Variants in SYDE1 observed in about 807,000 individuals in gnomAD.
SYDE1 encodes rho GTPase-activating protein SYDE1.
In SYDE1, 34 loss-of-function variants were observed where a neutral mutation model predicts 63.3. The observed-to-expected ratio is 0.54, with a 90% CI of 0.41 to 0.71. SYDE1 has a LOEUF of 0.71. SYDE1 is among the 30% of genes least tolerant of loss of function. The pLI is 0.00. For synonymous variants in SYDE1, 467 were observed against 473.4 expected (o/e 0.99, Z 0.18); for missense variants, 925 against 1,042.5 (o/e 0.89, Z 1.55).
chr19:15,113,859 G>T lies in SYDE1; in HGVS notation c.2104G>T (p.Asp702Tyr). ...EPRVTGDFED[D>Y]FDAPFNPHLN... The stretch of plus-strand genomic sequence containing the variant: ...GAGGGTCACCGGTGACTTCGAAGAC[G>T]ACTTCGATGCGCCCTTCAACCCGCA... Residue 702 changes from aspartate (D) to tyrosine (Y), a missense_variant, in exon 8 of 8, where the codon GAC (aspartate) becomes TAC (tyrosine). Transcript: ENST00000342784. 1 of 1,614,186 alleles carries T rather than the reference G, an allele frequency of 6.2e-7. No individual in the cohort carries two copies. Among genetic ancestry groups the T allele is most frequent in the Non-Finnish European group, 8.5e-7 (1 of 1,180,042 alleles).
chr19:15,109,362 C>G lies in SYDE1; in HGVS notation c.395C>G (p.Pro132Arg). Residue 132 changes from proline (P) to arginine (R), a missense_variant, in exon 2 of 8, where the codon CCT (proline) becomes CGT (arginine). By Grantham distance (103) the Pro-to-Arg change is moderately radical (BLOSUM62 -2). Coordinates refer to ENST00000342784, the MANE Select transcript of SYDE1 (RefSeq NM_033025.6). The surrounding 1 kb of genome is among the most constrained non-coding windows in gnomAD (Gnocchi z 5.0). ...PPAPEPPGPQ[P>R]GSAESEGLAP... ...GCACCTGAGCCCCCGGGGCCACAGCCTGGCTCAGCTGAGTCAGAGGGCCTG... is the reference window on the plus strand; with the variant it reads ...GCACCTGAGCCCCCGGGGCCACAGCGTGGCTCAGCTGAGTCAGAGGGCCTG... 6.3e-7 allele frequency: 1 copy of G among 1,577,350 alleles called. No homozygotes were observed. The highest frequency in any genetic ancestry group is 8.6e-7 in the Non-Finnish European group (1 of 1,160,876).
chr19:15,109,393 C>T lies in SYDE1; in HGVS notation c.426C>T (p.Pro142=). ...CAGCTGAGTCAGAGGGCCTGGCCCC[C>T]CAAGGTAAGAACAAGCTTCCCATCC... The part of the protein sequence containing the change: ...PGSAESEGLA[P]QGAAPASPPT... Residue 142 remains proline, a synonymous_variant, in exon 2 of 8, where the codon CCC becomes CCT. Transcript: ENST00000342784. This position sits in a 1 kb window ranked among gnomAD's most constrained non-coding sequence, Gnocchi z 5.0. The T allele has an allele frequency of 2.6e-6, 4 of 1,540,742 alleles. No individual in the cohort carries two copies. Among genetic ancestry groups the T allele is most frequent in the Non-Finnish European group, 3.5e-6 (4 of 1,145,866 alleles).
At position 15,109,639 on chromosome 19, in the gene SYDE1, G is replaced by A. The variant is rs2046328724; in HGVS notation, c.431-65G>A. ...CCTCACACTCCTTCCCTTCAGGGGA[G>A]CACCAGCCTCACCCCCCTCCCCTAA... On this transcript the variant is annotated intron_variant, in intron 2 of 7. Transcript: ENST00000342784. The surrounding 1 kb of genome is among the most constrained non-coding windows in gnomAD (Gnocchi z 5.0). 2 of 1,032,132 alleles carry A rather than the reference G, an allele frequency of 1.9e-6. No homozygotes were observed. Among genetic ancestry groups the A allele is most frequent in the Non-Finnish European group, 1.4e-6 (1 of 729,836 alleles). The allele number at this position is 1,032,132 out of a possible 1,614,324, so 63.9% of individuals were successfully genotyped here.
chr19:15,111,511 C>A lies in SYDE1; in HGVS notation c.1417+72C>A. The A allele has an allele frequency of 6.2e-7, 1 of 1,601,470 alleles. No homozygotes were observed. The highest frequency in any genetic ancestry group is 8.5e-7 in the Non-Finnish European group (1 of 1,171,628). On this transcript the variant is annotated intron_variant, in intron 5 of 7. Coordinates refer to ENST00000342784, the MANE Select transcript of SYDE1 (RefSeq NM_033025.6). This position sits in a 1 kb window ranked among gnomAD's most constrained non-coding sequence, Gnocchi z 5.5. ...CTCACTTCAAGGCCTTGGGGCTCCT[C>A]TGGGACCTCAGTCCTCCTATCTGAC...
chr19:15,109,469 C>T lies in SYDE1; in HGVS notation c.430+72C>T. 1 of 1,446,212 alleles carries T rather than the reference C, an allele frequency of 6.9e-7. No individual in the cohort carries two copies. Among genetic ancestry groups the T allele is most frequent in the South Asian group, 1.5e-5 (1 of 68,590 alleles). The allele number at this position is 1,446,212 out of a possible 1,614,324, so 89.6% of individuals were successfully genotyped here. A position where few individuals can be genotyped will look rare whatever the true frequency, so the allele number is the denominator to read the frequency against. ...CACATCCCTTCCCTTCAGGGTAGCA[C>T]CAGCCTCACACTCCCTCCTCCCAGA... is the stretch of plus-strand genomic sequence containing the variant. On this transcript the variant is annotated intron_variant, in intron 2 of 7. Coordinates refer to ENST00000342784, the MANE Select transcript of SYDE1 (RefSeq NM_033025.6). This position sits in a 1 kb window ranked among gnomAD's most constrained non-coding sequence, Gnocchi z 5.0.
Position 15,114,073 on chromosome 19 carries a change from G to A in SYDE1, c.*110G>A. 8.6e-7 allele frequency: 1 copy of A among 1,163,120 alleles called. No homozygotes were observed. The highest frequency in any genetic ancestry group is 1.2e-6 in the Non-Finnish European group (1 of 822,220). 72.0% of individuals were successfully genotyped at this position (1,163,120 alleles called of 1,614,324 possible). A position where few individuals can be genotyped will look rare whatever the true frequency, so the allele number is the denominator to read the frequency against. Reference sequence around the variant, plus strand: ...ACCTGTTGCTCAGGCCGAGCTCCTGGTTGCCAGCGAGTTACCACGGGACCA... The same window carrying A: ...ACCTGTTGCTCAGGCCGAGCTCCTGATTGCCAGCGAGTTACCACGGGACCA... On this transcript the variant is annotated 3_prime_UTR_variant, in exon 8 of 8. Transcript: ENST00000342784.
rs1368057988 is a variant in SYDE1 at position 15,108,602 on chromosome 19, T to C, written c.89-454T>C. Reference sequence around the variant, plus strand: ...CACGTAGTGCCTGCTGTGGGCTGTATACTTTTCCAAAAGGCTCCTGGAAGC... The same window carrying C: ...CACGTAGTGCCTGCTGTGGGCTGTACACTTTTCCAAAAGGCTCCTGGAAGC... On this transcript the variant is annotated intron_variant, in intron 1 of 7. Coordinates refer to ENST00000342784, the MANE Select transcript of SYDE1 (RefSeq NM_033025.6). The surrounding 1 kb of genome is among the most constrained non-coding windows in gnomAD (Gnocchi z 4.3). Among the ~76,000 whole-genome samples the C allele has an allele frequency of 6.6e-6, 1 of 152,170 alleles. No individual in the cohort carries two copies. The highest frequency in any genetic ancestry group is 2.4e-5 in the African/African-American group (1 of 41,432).
chr19:15,107,608 G>A, intron 1 of SYDE1, 87 bp downstream of exon 1: 1 of 883,494 alleles, frequency 1.1e-6, no homozygotes, highest in South Asian at 1.5e-5. Flanking sequence ...CAGACGGTGG[G>A]GGGGATCAGG....
rs1452844551 is a variant in SYDE1, at chr19:15,114,607, C to T, written c.*644C>T. 1 of 151,580 alleles carries T rather than the reference C, an allele frequency of 6.6e-6. No individual in the cohort carries two copies. The highest frequency in any genetic ancestry group is 2.0e-4 in the East Asian group (1 of 5,100). 9.4% of individuals were successfully genotyped at this position (151,580 alleles called of 1,614,324 possible). On this transcript the variant is annotated 3_prime_UTR_variant, in exon 8 of 8. Coordinates refer to ENST00000342784, the MANE Select transcript of SYDE1 (RefSeq NM_033025.6). ...AACAGAGTCTGGCCTTTCCAATCCC[C>T]ATCTCCTTGCCCCCCCCTTGCCCCC...
intron 6 of SYDE1, 41 bp from the exon 7 acceptor site, chr19:15,112,305 C>A: frequency 7.0e-7 from 1 of 1,432,184 alleles, no homozygotes; most frequent in Non-Finnish European, 9.6e-7. Context: ...GCCACAGGGG[C>A]CTGACTTTGT....
chr19:15,111,527 C>A lies in SYDE1; in HGVS notation c.1417+88C>A. ...GGGGCTCCTCTGGGACCTCAGTCCT[C>A]CTATCTGACCTTGCTTTCACCCACC... is the stretch of plus-strand genomic sequence containing the variant. On this transcript the variant is annotated intron_variant, in intron 5 of 7. Transcript: ENST00000342784. This position sits in a 1 kb window ranked among gnomAD's most constrained non-coding sequence, Gnocchi z 5.5. 1 of 1,596,646 alleles carries A rather than the reference C, an allele frequency of 6.3e-7. No homozygotes were observed. Among genetic ancestry groups the A allele is most frequent in the South Asian group, 1.1e-5 (1 of 89,002 alleles).
At chr19:15,113,052 G>A (rs1308836290) in intron 7 of SYDE1, among the ~76,000 whole-genome samples, 2 of 152,060 alleles carry the variant, frequency 1.3e-5, no homozygotes, top group South Asian at 2.1e-4. Flanking sequence ...TTATAGGCAC[G>A]CACCACCAGT....
chr19:15,109,718 A>G lies in SYDE1; in HGVS notation c.445A>G (p.Ser149Gly). 2 of 1,513,618 alleles carry G rather than the reference A, an allele frequency of 1.3e-6. No homozygotes were observed. Among genetic ancestry groups the G allele is most frequent in the Non-Finnish European group, 8.9e-7 (1 of 1,129,632 alleles). 93.8% of individuals were successfully genotyped at this position (1,513,618 alleles called of 1,614,324 possible). Residue 149 changes from serine to glycine, a missense_variant, in exon 3 of 8, where the codon AGC becomes GGC. Physicochemically the swap from Ser to Gly is moderately conservative, Grantham distance 56 (BLOSUM62 0). This residue lies in a region of SYDE1 where 599 missense variants were observed against 653.7 expected (regional missense o/e 0.92). Transcript: ENST00000342784. The surrounding 1 kb of genome is among the most constrained non-coding windows in gnomAD (Gnocchi z 5.0). ...TCTCCACACAGGTGCAGCCCCCGCCAGCCCCCCAACCAAAGCCTCCCGCAC... is the reference window on the plus strand; with the variant it reads ...TCTCCACACAGGTGCAGCCCCCGCCGGCCCCCCAACCAAAGCCTCCCGCAC... Reference protein sequence around the residue: ...GLAPQGAAPASPPTKASRTKS... With the variant: ...GLAPQGAAPAGPPTKASRTKS...
Position 15,109,486 on chromosome 19 carries a change from C to A in SYDE1, c.430+89C>A, listed in dbSNP as rs746932771. On this transcript the variant is annotated intron_variant, in intron 2 of 7. Coordinates refer to ENST00000342784, the MANE Select transcript of SYDE1 (RefSeq NM_033025.6). The surrounding 1 kb of genome is among the most constrained non-coding windows in gnomAD (Gnocchi z 5.0). ...GGGTAGCACCAGCCTCACACTCCCT[C>A]CTCCCAGAGGAGCACCAACCTCACA... is the stretch of plus-strand genomic sequence containing the variant. 1.0e-5 allele frequency: 14 copies of A among 1,403,754 alleles called. No homozygotes were observed. Among genetic ancestry groups the A allele is most frequent in the Non-Finnish European group, 1.3e-5 (14 of 1,057,392 alleles). The allele number at this position is 1,403,754 out of a possible 1,614,324, so 87.0% of individuals were successfully genotyped here.
rs1239848332 is a variant in SYDE1 at position 15,109,795 on chromosome 19, G to A, written c.522G>A (p.Pro174=). The change falls in exon 3 of 8, where the codon CCG becomes CCA. Residue 174 remains proline, a synonymous_variant. Coordinates refer to ENST00000342784, the MANE Select transcript of SYDE1 (RefSeq NM_033025.6). This position sits in a 1 kb window ranked among gnomAD's most constrained non-coding sequence, Gnocchi z 5.0. The part of the protein sequence containing the change: ...RRLSIKMKKL[P]ELRRRLSLRG... ...TCTCCATAAAGATGAAGAAGCTGCC[G>A]GAACTGCGGCGCCGCCTGAGCCTGC... 3.3e-6 allele frequency: 5 copies of A among 1,537,130 alleles called. No individual in the cohort carries two copies. Among genetic ancestry groups the A allele is most frequent in the Non-Finnish European group, 4.4e-6 (5 of 1,145,664 alleles).
In SYDE1 at chr19:15,108,770, G is replaced by A. The variant is rs922602083; in HGVS notation, c.89-286G>A. On this transcript the variant is annotated intron_variant, in intron 1 of 7. Transcript: ENST00000342784. This position sits in a 1 kb window ranked among gnomAD's most constrained non-coding sequence, Gnocchi z 4.3. The stretch of plus-strand genomic sequence containing the variant: ...GGGTAGAGGAAGTGGAGACTGGAAC[G>A]CAGTACCTACGGGCCCCAGGAAGCC... 2.2e-5 allele frequency: 8 copies of A among 358,176 alleles called. 1 individual carries two copies. The highest frequency in any genetic ancestry group is 4.4e-5 in the East Asian group (1 of 22,776). The allele number at this position is 358,176 out of a possible 1,614,324, so 22.2% of individuals were successfully genotyped here.
At position 15,110,598 on chromosome 19, in the gene SYDE1, C is replaced by A; in HGVS notation, c.1153C>A (p.Gln385Lys). The change falls in exon 4 of 8, where the codon CAG (glutamine) becomes AAG (lysine). Residue 385 changes from glutamine to lysine, a missense_variant. This residue lies in a region of SYDE1 where 599 missense variants were observed against 653.7 expected (regional missense o/e 0.92). Coordinates refer to ENST00000342784, the MANE Select transcript of SYDE1 (RefSeq NM_033025.6). The surrounding 1 kb of genome is among the most constrained non-coding windows in gnomAD (Gnocchi z 6.9). Reference protein sequence around the residue: ...LYAKLTLSEQQEAPATAEPRV... With the variant: ...LYAKLTLSEQKEAPATAEPRV... ...TGCCAAGCTGACCCTGTCGGAGCAG[C>A]AGGAAGCCCCTGCCACAGCTGAGCC... 1 of 1,593,764 alleles carries A rather than the reference C, an allele frequency of 6.3e-7. No homozygotes were observed. The highest frequency in any genetic ancestry group is 8.5e-7 in the Non-Finnish European group (1 of 1,172,730).
At position 15,110,098 on chromosome 19, in the gene SYDE1, CG is replaced by C. The variant is rs1568328379; in HGVS notation, c.831del (p.Leu278CysfsTer63). The part of the protein sequence containing the change: ...GRLSLHLYGL[G>X]GLRPAPGATP... ...GCCTCAGCCTGCACCTGTACGGTCT[CG>C]GGGGGCTGCGGCCAGCGCCGGGGGC... On this transcript the variant is annotated frameshift_variant, in exon 3 of 8. Coordinates refer to ENST00000342784, the MANE Select transcript of SYDE1 (RefSeq NM_033025.6). LOFTEE classifies it high-confidence loss of function. This position sits in a 1 kb window ranked among gnomAD's most constrained non-coding sequence, Gnocchi z 6.9. 3 of 1,427,498 alleles carry C rather than the reference CG, an allele frequency of 2.1e-6. No homozygotes were observed. Among genetic ancestry groups the C allele is most frequent in the Admixed American group, 6.1e-5 (2 of 32,980 alleles). 88.4% of individuals were successfully genotyped at this position (1,427,498 alleles called of 1,614,324 possible). A position where few individuals can be genotyped will look rare whatever the true frequency, so the allele number is the denominator to read the frequency against.
At position 15,110,657 on chromosome 19, in the gene SYDE1, G is replaced by A; in HGVS notation, c.1212G>A (p.Val404=). The A allele has an allele frequency of 1.3e-6, 2 of 1,585,728 alleles. No homozygotes were observed. The change falls in exon 4 of 8, where the codon GTG becomes GTA. Residue 404 remains valine (V), a synonymous_variant. Transcript: ENST00000342784. The surrounding 1 kb of genome is among the most constrained non-coding windows in gnomAD (Gnocchi z 6.9). Reference sequence around the variant, plus strand: ...TTGGGCTGCCCCTGCCACTGCTGGTGGAGCGGGAGCGGCCCCCCGGCCAGG... The same window carrying A: ...TTGGGCTGCCCCTGCCACTGCTGGTAGAGCGGGAGCGGCCCCCCGGCCAGG... ...RVFGLPLPLL[V]ERERPPGQVP... is the part of the protein sequence containing the mutation.
Sources: allele counts gnomAD v4.1 joint callset (sites outside exome capture counted in the v4.1 genomes callset), GRCh38; gene constraint gnomAD v4.1.1; regional missense constraint gnomAD v4.1.1; non-coding constraint Gnocchi (gnomAD v3.1); transcripts MANE v1.5; gene names NCBI Gene and HGNC (gene_info 2026-07-23, HGNC 2026-07-21).